Variants in EYS observed in about 807,000 individuals in gnomAD.
EYS encodes protein eyes shut homolog.
Under a neutral mutation model 282.1 loss-of-function variants are expected in EYS, and 250 were observed. That is an observed-to-expected ratio of 0.89 (90% CI 0.80 to 0.98). The LOEUF is 0.98. Among genes scored for constraint, EYS ranks in the 50% least tolerant of loss-of-function variants. The pLI is 0.00. For synonymous variants in EYS, 1,355 were observed against 1,282.9 expected, an observed-to-expected ratio of 1.06 and a Z score of -1.20; for missense variants, 4,016 against 3,709.0, an observed-to-expected ratio of 1.08 and a Z score of -2.15.
At chr6:65,200,168 G>C (rs1174167717) in intron 12 of EYS, among the ~76,000 whole-genome samples, 2 of 148,096 alleles carry the variant, frequency 1.4e-5, no homozygotes, top group African/African-American at 5.3e-5. Flanking sequence ...AAAGTTAAGT[G>C]TCAAAGATAA....
chr6:65,476,734 G>A (rs1765421629), intron 5 of EYS, among the ~76,000 whole-genome samples: 1 of 151,946 alleles, frequency 6.6e-6, no homozygotes, highest in Admixed American at 6.6e-5. Context: ...GTGCCACCAG[G>A]CCCAGCTAAT....
intron 29 of EYS, among the ~76,000 whole-genome samples, chr6:64,383,990 A>G (rs566599121): frequency 6.6e-6 from 1 of 152,254 alleles, no homozygotes; most frequent in African/African-American, 2.4e-5. Context: ...AAGCAACCCA[A>G]ATTTTCTACA....
At chr6:65,483,236 T>A (rs1269004937) in intron 5 of EYS, among the ~76,000 whole-genome samples, 21 of 152,130 alleles carry the variant, frequency 1.4e-4, no homozygotes, top group Admixed American at 1.4e-3. Context: ...ATGTGAAATA[T>A]CTGAAAAATC....
chr6:64,450,926 C>A (rs564049279), intron 26 of EYS, among the ~76,000 whole-genome samples: 1 of 151,604 alleles, frequency 6.6e-6, no homozygotes, highest in Non-Finnish European at 1.5e-5. Context: ...AAATTGAGAC[C>A]CTAACATCAA....
rs775650599 is a variant in EYS, at chr6:65,384,511, A to C, written c.1185-11T>G. ...AATCCTGATATACAGCTGTAAATAC[A>C]TCAGTGTAAATTAGAAAAATTATAA... On this transcript the variant is annotated splice_polypyrimidine_tract_variant and intron_variant, in intron 7 of 42. Transcript: ENST00000503581. The C allele has an allele frequency of 7.9e-7, 1 of 1,260,060 alleles. No individual in the cohort carries two copies. Among genetic ancestry groups the C allele is most frequent in the Non-Finnish European group, 1.2e-6 (1 of 862,066 alleles). The allele number at this position is 1,260,060 out of a possible 1,614,324, so 78.1% of individuals were successfully genotyped here.
In EYS at chr6:65,252,048, C is replaced by T. The variant is rs147391243; in HGVS notation, c.2023+43815G>A. 5.2e-3 allele frequency among the ~76,000 whole-genome samples: 787 copies of T among 151,998 alleles called. 6 individuals are homozygous for T. The highest frequency in any genetic ancestry group is 0.018 in the African/African-American group (756 of 41,476). Reference sequence around the variant, plus strand: ...TCATTTTTCCAGGGGGTAGGGGCGACTCCTATTGTTTTTGTTTTATATTGC... The same window carrying T: ...TCATTTTTCCAGGGGGTAGGGGCGATTCCTATTGTTTTTGTTTTATATTGC... On this transcript the variant is annotated intron_variant, in intron 12 of 42. Coordinates refer to ENST00000503581, the MANE Select transcript of EYS (RefSeq NM_001142800.2).
chr6:64,598,281 A>T (rs1582938796), intron 24 of EYS, among the ~76,000 whole-genome samples: 1 of 152,206 alleles, frequency 6.6e-6, no homozygotes, highest in East Asian at 1.9e-4. Context: ...TAACACGGTG[A>T]AACCCCGTCC....
rs965556615 is a variant in EYS at position 64,003,220 on chromosome 6, C to T, written c.6726-4037G>A. Among the ~76,000 whole-genome samples, 77 of 152,194 alleles carry T rather than the reference C, an allele frequency of 5.1e-4. 1 individual carries two copies. Among genetic ancestry groups the T allele is most frequent in the African/African-American group, 1.8e-3 (74 of 41,544 alleles). On this transcript the variant is annotated intron_variant, in intron 33 of 42. Transcript: ENST00000503581. Reference sequence around the variant, plus strand: ...AATAAACCAGGCATAGAAAGACAAACTTTCTCACTTGTTTGTGGGAGCTAA... The same window carrying T: ...AATAAACCAGGCATAGAAAGACAAATTTTCTCACTTGTTTGTGGGAGCTAA...
chr6:64,023,055 C>G (rs1023592927), intron 33 of EYS, among the ~76,000 whole-genome samples: 1 of 152,208 alleles, frequency 6.6e-6, no homozygotes, highest in African/African-American at 2.4e-5. Flanking sequence ...ATTTCTGTCT[C>G]TATGAATTTG....
intron 12 of EYS, among the ~76,000 whole-genome samples, chr6:65,106,207 A>T (rs575703367): frequency 6.6e-6 from 1 of 152,002 alleles, no homozygotes; most frequent in Admixed American, 6.6e-5. Flanking sequence ...AGGTAGTACG[A>T]TCTCTAGACG....
rs1160317827 is a variant in EYS, at chr6:65,615,344, C to T, written c.-333+24434G>A. Among the ~76,000 whole-genome samples the T allele has an allele frequency of 2.7e-5, 4 of 150,746 alleles. 1 individual carries two copies. The East Asian group carries it at 7.8e-4, about 29-fold the overall frequency. On this transcript the variant is annotated intron_variant, in intron 2 of 42. Coordinates refer to ENST00000503581, the MANE Select transcript of EYS (RefSeq NM_001142800.2). ...GAATACTCTGAGGAAAATAATTCAT[C>T]CCAGTTATCCGAATATTCAAAACCG...
intron 12 of EYS, among the ~76,000 whole-genome samples, chr6:65,059,695 T>C (rs1773515017): frequency 6.6e-6 from 1 of 152,056 alleles, no homozygotes; most frequent in South Asian, 2.1e-4. Context: ...ACTTCTGTGG[T>C]TAGATCATTT....
chr6:64,493,197 T>A (rs550689681), intron 26 of EYS, among the ~76,000 whole-genome samples: 1 of 151,368 alleles, frequency 6.6e-6, no homozygotes, highest in African/African-American at 2.4e-5. Flanking sequence ...AATAAACAGC[T>A]AATAAAGTAG....
At chr6:65,636,073 G>A (rs896468771) in intron 2 of EYS, among the ~76,000 whole-genome samples, 8 of 152,156 alleles carry the variant, frequency 5.3e-5, no homozygotes, top group African/African-American at 7.2e-5. Context: ...CTTTATTTAT[G>A]CAGCGGGCAG....
At chr6:64,506,826 G>A (rs1297122097) in intron 26 of EYS, among the ~76,000 whole-genome samples, 1 of 150,276 alleles carries the variant, frequency 6.7e-6, no homozygotes, top group East Asian at 2.0e-4. Context: ...GGAAAATGGC[G>A]GGAACCCGGG....
rs1337195232 is a variant in EYS, at chr6:64,669,496, G to A, written c.3444-43251C>T. The stretch of plus-strand genomic sequence containing the variant: ...AGGGCCCTGGACCAGTTCTTTGAAT[G>A]AGAGTACTGGGGAGAAAAGGGGGCT... On this transcript the variant is annotated intron_variant, in intron 22 of 42. Transcript: ENST00000503581. Among the ~76,000 whole-genome samples, 5 of 152,178 alleles carry A rather than the reference G, an allele frequency of 3.3e-5. No homozygotes were observed. The East Asian group carries it at 9.6e-4, about 29-fold the overall frequency.
chr6:64,336,942 C>A lies in EYS; in HGVS notation c.6079-29860G>T, dbSNP rs549404786. On this transcript the variant is annotated intron_variant, in intron 29 of 42. Coordinates refer to ENST00000503581, the MANE Select transcript of EYS (RefSeq NM_001142800.2). The stretch of plus-strand genomic sequence containing the variant: ...TTCAAACTGAACGACAATGACGACA[C>A]AACCTACCAAAACCTCTGCAATACA... Among the ~76,000 whole-genome samples the A allele has an allele frequency of 2.3e-4, 35 of 152,130 alleles. 1 individual carries two copies. The South Asian group carries it at 7.1e-3, about 31-fold the overall frequency.
chr6:63,768,098 T>TAAAGG (rs58994323), intron 40 of EYS, among the ~76,000 whole-genome samples: 21,518 of 151,732 alleles, frequency 0.14, 1,702 homozygotes, highest in African/African-American at 0.21. Context: ...ACTAAAGACT[T>TAAAGG]TAAGATCTAA....
intron 35 of EYS, among the ~76,000 whole-genome samples, chr6:63,881,780 G>A (rs547425596): frequency 6.6e-6 from 1 of 152,184 alleles, no homozygotes; most frequent in African/African-American, 2.4e-5. Flanking sequence ...ACATTAAAGT[G>A]TAACATGGGT....
Sources: allele counts gnomAD v4.1 joint callset (sites outside exome capture counted in the v4.1 genomes callset), GRCh38; gene constraint gnomAD v4.1.1; transcripts MANE v1.5; gene names NCBI Gene and HGNC (gene_info 2026-07-23, HGNC 2026-07-21).